Variants in PTPRR observed in about 807,000 individuals in gnomAD.
The protein encoded by PTPRR is protein tyrosine phosphatase receptor type R.
PTPRR carries 38 observed loss-of-function variants against 77.2 expected under a neutral mutation model. The observed-to-expected ratio is 0.49, with a 90% CI of 0.38 to 0.65. The LOEUF is 0.65. PTPRR is among the 30% of genes least tolerant of loss of function. The pLI, the probability that PTPRR is intolerant of heterozygous loss-of-function variation, is 0.00. For missense variants in PTPRR, 744 were observed against 799.2 expected (o/e 0.93, Z 0.83); for synonymous variants, 299 against 283.1 (o/e 1.06, Z -0.57).
intron 2 of PTPRR, among the ~76,000 whole-genome samples, chr12:70,802,299 A>T (rs1891630470): frequency 6.6e-6 from 1 of 152,198 alleles, no homozygotes; most frequent in Non-Finnish European, 1.5e-5. Context: ...ATTTTCACAG[A>T]TGTCTTTTCA....
chr12:70,671,559 C>T (rs1467160410), intron 10 of PTPRR, among the ~76,000 whole-genome samples: 1 of 152,130 alleles, frequency 6.6e-6, no homozygotes, highest in Non-Finnish European at 1.5e-5. Context: ...ACTTCAACCA[C>T]CCATTGGTGT....
At chr12:70,880,317 CAATT>C (rs1275048159) in intron 2 of PTPRR, among the ~76,000 whole-genome samples, 2 of 152,058 alleles carry the variant, frequency 1.3e-5, no homozygotes, top group African/African-American at 4.8e-5. Context: ...GAAGGAAACA[CAATT>C]AATTAGTAAA....
chr12:70,769,369 GACAA>G lies in PTPRR; in HGVS notation c.358-4595_358-4592del, dbSNP rs1443535139. Among the ~76,000 whole-genome samples, 7 of 151,758 alleles carry G rather than the reference GACAA, an allele frequency of 4.6e-5. No homozygotes were observed. In the East Asian group the frequency reaches 1.2e-3, roughly 25 times the overall value. ...CAAGCATTCTTATACACCAATAACA[GACAA>G]ACAGAGAGCCAAATCATGAGTGAAC... On this transcript the variant is annotated intron_variant, in intron 2 of 13. Transcript: ENST00000283228.
intron 1 of PTPRR, among the ~76,000 whole-genome samples, chr12:70,909,532 A>G (rs1893670661): frequency 6.6e-6 from 1 of 152,216 alleles, no homozygotes; most frequent in Admixed American, 6.5e-5. Context: ...ACTTAATCTG[A>G]ACTGAATTTC....
chr12:70,862,899 A>G (rs1892778447), intron 2 of PTPRR, among the ~76,000 whole-genome samples: 1 of 152,170 alleles, frequency 6.6e-6, no homozygotes, highest in Admixed American at 6.6e-5. Flanking sequence ...CAATCAACTT[A>G]TGTTTTATAA....
chr12:70,862,008 T>C (rs1362829948), intron 2 of PTPRR, among the ~76,000 whole-genome samples: 1 of 152,110 alleles, frequency 6.6e-6, no homozygotes, highest in Non-Finnish European at 1.5e-5. Flanking sequence ...AAGGTAAATA[T>C]ATCAGAATTG....
chr12:70,831,899 A>C (rs1892219593), intron 2 of PTPRR, among the ~76,000 whole-genome samples: 1 of 152,146 alleles, frequency 6.6e-6, no homozygotes, highest in African/African-American at 2.4e-5. Flanking sequence ...GTAGCACTCT[A>C]ATTATATTAA....
intron 6 of PTPRR, among the ~76,000 whole-genome samples, chr12:70,708,652 T>C (rs1310755979): frequency 1.3e-5 from 2 of 152,046 alleles, no homozygotes; most frequent in Admixed American, 1.3e-4. Flanking sequence ...AACAAAATGA[T>C]AGTAGTTCTA....
intron 7 of PTPRR, among the ~76,000 whole-genome samples, chr12:70,699,291 TTTAAC>T (rs1411405293): frequency 6.6e-6 from 1 of 152,178 alleles, no homozygotes; most frequent in Non-Finnish European, 1.5e-5. Context: ...CAGTAGAAAA[TTTAAC>T]TTAACAGTCT....
intron 2 of PTPRR, among the ~76,000 whole-genome samples, chr12:70,872,752 A>G (rs984105125): frequency 2.6e-4 from 39 of 149,446 alleles, no homozygotes; most frequent in African/African-American, 8.8e-4. Context: ...TTGCCTTTTC[A>G]GGGCAAGGGT....
intron 2 of PTPRR, among the ~76,000 whole-genome samples, chr12:70,848,297 G>A (rs1371619658): frequency 1.3e-5 from 2 of 152,028 alleles, no homozygotes; most frequent in Non-Finnish European, 2.9e-5. Flanking sequence ...TATTCCCTTC[G>A]AATATTTCTA....
chr12:70,819,811 T>TTA (rs1891972227), intron 2 of PTPRR, among the ~76,000 whole-genome samples: 1 of 152,054 alleles, frequency 6.6e-6, no homozygotes, highest in South Asian at 2.1e-4. Context: ...TACAATGGCA[T>TTA]TAAATTGTCC....
intron 6 of PTPRR, among the ~76,000 whole-genome samples, chr12:70,730,035 C>G (rs1018462788): frequency 6.6e-6 from 1 of 152,036 alleles, no homozygotes. Context: ...TCCAAGCAAA[C>G]TATTATTGAC....
In PTPRR at chr12:70,800,266, C is replaced by CTTTTTTTTTTTTT. The variant is rs754416357; in HGVS notation, c.358-35489_358-35488insAAAAAAAAAAAAA. On this transcript the variant is annotated intron_variant, in intron 2 of 13. Transcript: ENST00000283228. Reference sequence around the variant, plus strand: ...CTGCATTTTAGACATACTGTTCTCTCTCTTTTTTTTTTTTTGTGCTGAGGT... The same window carrying CTTTTTTTTTTTTT: ...CTGCATTTTAGACATACTGTTCTCTCTTTTTTTTTTTTTTCTTTTTTTTTTTTTGTGCTGAGGT... Among the ~76,000 whole-genome samples, 5 of 144,746 alleles carry CTTTTTTTTTTTTT rather than the reference C, an allele frequency of 3.5e-5. 2 individuals carry two copies. Among genetic ancestry groups the CTTTTTTTTTTTTT allele is most frequent in the African/African-American group, 2.5e-5 (1 of 39,678 alleles). 95.0% of individuals were successfully genotyped at this position (144,746 alleles called of 152,430 possible). A position where few individuals can be genotyped will look rare whatever the true frequency, so the allele number is the denominator to read the frequency against.
At chr12:70,833,280 C>G (rs955133978) in intron 2 of PTPRR, among the ~76,000 whole-genome samples, 4 of 152,108 alleles carry the variant, frequency 2.6e-5, no homozygotes, top group Non-Finnish European at 5.9e-5. Flanking sequence ...GGTTGCCACT[C>G]AGATTTCTAG....
intron 10 of PTPRR, chr12:70,672,345 C>T: frequency 6.8e-7 from 1 of 1,477,074 alleles, no homozygotes; most frequent in Non-Finnish European, 9.4e-7. Flanking sequence ...ATTGTGGAGC[C>T]CTATGATGAG....
chr12:70,736,443 A>G (rs1264690740), intron 6 of PTPRR, among the ~76,000 whole-genome samples: 1 of 152,106 alleles, frequency 6.6e-6, no homozygotes, highest in Non-Finnish European at 1.5e-5. Context: ...CCCAACCCCC[A>G]AAGCATGCCA....
intron 2 of PTPRR, among the ~76,000 whole-genome samples, chr12:70,765,820 A>C (rs2136970318): frequency 6.6e-6 from 1 of 152,266 alleles, no homozygotes; most frequent in South Asian, 2.1e-4. Flanking sequence ...ACAAAACTTC[A>C]AGAGGAACGA....
chr12:70,848,686 A>G (rs568270406), intron 2 of PTPRR, among the ~76,000 whole-genome samples: 1 of 152,338 alleles, frequency 6.6e-6, no homozygotes, highest in Admixed American at 6.5e-5. Flanking sequence ...AAGAATGCAG[A>G]TGTACTTTAA....
Sources: allele counts gnomAD v4.1 joint callset (sites outside exome capture counted in the v4.1 genomes callset), GRCh38; gene constraint gnomAD v4.1.1; transcripts MANE v1.5; gene names NCBI Gene and HGNC (gene_info 2026-07-23, HGNC 2026-07-21).